The following PCDHA12 variants were observed in gnomAD, a reference collection of about 807,000 sequenced individuals.
The protein encoded by PCDHA12 is protocadherin alpha 12.
A neutral mutation model predicts 60.0 loss-of-function variants in PCDHA12; 44 were observed. That is an observed-to-expected ratio of 0.73 (90% CI 0.58 to 0.94). PCDHA12 has a LOEUF of 0.94. Among genes scored for constraint, PCDHA12 ranks in the 40% least tolerant of loss-of-function variants. PCDHA12 has a pLI of 0.00. For synonymous variants in PCDHA12, 569 were observed against 553.0 expected, an observed-to-expected ratio of 1.03 and a Z score of -0.40; for missense variants, 1,276 against 1,239.7, an observed-to-expected ratio of 1.03 and a Z score of -0.44.
At chr5:140,907,647 G>A (rs1336039908) in intron 1 of PCDHA12, among the ~76,000 whole-genome samples, 1 of 152,192 alleles carries the variant, frequency 6.6e-6, no homozygotes, top group East Asian at 1.9e-4. Flanking sequence ...CTGGCAAATT[G>A]GGCACTCAGC....
At chr5:140,938,218 T>A (rs1050033125) in intron 1 of PCDHA12, among the ~76,000 whole-genome samples, 3 of 152,210 alleles carry the variant, frequency 2.0e-5, no homozygotes, top group Admixed American at 2.0e-4. Context: ...AGTGCTGGGA[T>A]TACAGGCATA....
chr5:140,983,900 G>T (rs1345141422), intron 3 of PCDHA12, among the ~76,000 whole-genome samples: 1 of 152,198 alleles, frequency 6.6e-6, no homozygotes, highest in Admixed American at 6.5e-5. Context: ...GGCATTCGTT[G>T]ATTCTAATCA....
At chr5:140,892,980 G>A (rs568292110) in intron 1 of PCDHA12, among the ~76,000 whole-genome samples, 4 of 152,030 alleles carry the variant, frequency 2.6e-5, no homozygotes, top group Admixed American at 6.6e-5. Context: ...TGTAGCTGCC[G>A]TATAAGTGAG....
At chr5:140,943,332 A>G (rs2093478817) in intron 1 of PCDHA12, among the ~76,000 whole-genome samples, 1 of 151,830 alleles carries the variant, frequency 6.6e-6, no homozygotes, top group Non-Finnish European at 1.5e-5. Flanking sequence ...TGTAGTATCC[A>G]TTGGACAGGA....
intron 1 of PCDHA12, chr5:140,883,357 T>C: frequency 6.2e-7 from 1 of 1,614,094 alleles, no homozygotes; most frequent in Non-Finnish European, 8.5e-7. Context: ...GAGAAGACAC[T>C]CAGCCTAGCG....
At chr5:140,881,392 A>G (rs2058698624) in intron 1 of PCDHA12, 2 of 979,256 alleles carry the variant, frequency 2.0e-6, no homozygotes. Context: ...CGGTAAGTTA[A>G]ATTCTATTAA....
intron 1 of PCDHA12, among the ~76,000 whole-genome samples, chr5:140,941,551 G>A (rs1247023682): frequency 4.0e-5 from 6 of 151,616 alleles, no homozygotes; most frequent in Non-Finnish European, 8.8e-5. Flanking sequence ...TCCTGACCTC[G>A]TGATCCATTC....
At chr5:140,883,774 T>C (rs782252577) in intron 1 of PCDHA12, 10 of 1,612,152 alleles carry the variant, frequency 6.2e-6, no homozygotes, top group South Asian at 5.5e-5. Flanking sequence ...TGGGCGAGCG[T>C]GCGCTGTCGA....
At chr5:140,987,585 A>G (rs575330361) in intron 3 of PCDHA12, among the ~76,000 whole-genome samples, 2 of 152,236 alleles carry the variant, frequency 1.3e-5, no homozygotes, top group East Asian at 3.8e-4. Flanking sequence ...AAATGGGGAG[A>G]ATAGTGGTGT....
rs551245842 is a variant in PCDHA12, at chr5:140,927,508, C to G, written c.2367+49669C>G. 3.7e-6 allele frequency: 6 copies of G among 1,614,074 alleles called. No individual in the cohort carries two copies. In the Admixed American group the frequency reaches 5.0e-5, roughly 13 times the overall value. ...CACCCACCTGCTGGTGCTTACAGCT[C>G]GGGACGGCGGGCTACCTGCCCGCTC... On this transcript the variant is annotated intron_variant, in intron 1 of 3. Coordinates refer to ENST00000398631, the MANE Select transcript of PCDHA12 (RefSeq NM_018903.4).
At chr5:140,963,204 A>G (rs2095745825) in intron 1 of PCDHA12, among the ~76,000 whole-genome samples, 1 of 152,104 alleles carries the variant, frequency 6.6e-6, no homozygotes, top group African/African-American at 2.4e-5. Flanking sequence ...ATGAAAAAAA[A>G]AACCTCGTGT....
intron 1 of PCDHA12, among the ~76,000 whole-genome samples, chr5:140,902,728 C>T (rs1280424808): frequency 6.6e-6 from 1 of 151,858 alleles, no homozygotes; most frequent in Non-Finnish European, 1.5e-5. Flanking sequence ...ACCCTTCCCT[C>T]CAAGTCCCCC....
rs1044322759 is a variant in PCDHA12 at position 140,877,540 on chromosome 5, G to C, written c.2068G>C (p.Glu690Gln). 35 of 1,613,652 alleles carry C rather than the reference G, an allele frequency of 2.2e-5. No individual in the cohort carries two copies. Among genetic ancestry groups the C allele is most frequent in the Non-Finnish European group, 2.7e-5 (32 of 1,179,908 alleles). The change falls in exon 1 of 4, where the codon GAA becomes CAA. Residue 690 changes from glutamate to glutamine, a missense_variant. Coordinates refer to ENST00000398631, the MANE Select transcript of PCDHA12 (RefSeq NM_018903.4). ...GGCCTCAGTGGGCGCTGTGGATCCCGAAGCGGCTCTGGTGGATATTAACGT... is the reference window on the plus strand; with the variant it reads ...GGCCTCAGTGGGCGCTGTGGATCCCCAAGCGGCTCTGGTGGATATTAACGT... The part of the protein sequence containing the change: ...SRASVGAVDP[E>Q]AALVDINVYL...
At chr5:140,978,566 T>G (rs1554239422) in intron 1 of PCDHA12, among the ~76,000 whole-genome samples, 1 of 152,204 alleles carries the variant, frequency 6.6e-6, no homozygotes, top group East Asian at 1.9e-4. Flanking sequence ...ATAGCTGTAA[T>G]ACTGAATTGG....
chr5:140,968,782 C>T (rs1256152245), intron 1 of PCDHA12: 43 of 1,614,072 alleles, frequency 2.7e-5, no homozygotes, highest in African/African-American at 8.0e-5. Flanking sequence ...CACTATCAGC[C>T]TCTGTGGCCA....
At chr5:141,004,362 C>T (rs1357216048) in intron 3 of PCDHA12, among the ~76,000 whole-genome samples, 1 of 152,186 alleles carries the variant, frequency 6.6e-6, no homozygotes, top group Non-Finnish European at 1.5e-5. Flanking sequence ...AGAGACCACA[C>T]CTTGTTCTGC....
intron 1 of PCDHA12, among the ~76,000 whole-genome samples, chr5:140,963,588 A>G (rs1554226668): frequency 6.6e-6 from 1 of 152,218 alleles, no homozygotes; most frequent in African/African-American, 2.4e-5. Flanking sequence ...AATGTAGGAT[A>G]TAGTTCTAGA....
chr5:140,882,153 A>G (rs1197738298), intron 1 of PCDHA12: 9 of 1,505,320 alleles, frequency 6.0e-6, no homozygotes, highest in Admixed American at 2.3e-5. Flanking sequence ...CAGAAAGCGG[A>G]ATACCTCTTG....
At chr5:140,900,572 G>A (rs1244478745) in intron 1 of PCDHA12, among the ~76,000 whole-genome samples, 3 of 152,068 alleles carry the variant, frequency 2.0e-5, no homozygotes, top group Non-Finnish European at 4.4e-5. Flanking sequence ...CCACGGCACC[G>A]GCCCATTTTC....
Sources: allele counts gnomAD v4.1 joint callset (sites outside exome capture counted in the v4.1 genomes callset), GRCh38; gene constraint gnomAD v4.1.1; transcripts MANE v1.5; gene names NCBI Gene and HGNC (gene_info 2026-07-23, HGNC 2026-07-21).